BEX5: variants seen among roughly 807,000 people sequenced by gnomAD.
BEX5 encodes protein BEX5.
In BEX5, 2 loss-of-function variants were observed where a neutral mutation model predicts 1.4. That is an observed-to-expected ratio of 1.42 (90% confidence interval 0.58 to 4.47). The LOEUF is 4.47. Ranked by LOEUF, BEX5 falls within the 30% of genes most tolerant of loss-of-function variation. The pLI is 0.06. For synonymous variants in BEX5, 32 were observed against 30.0 expected (o/e 1.07, Z -0.21); for missense variants, 97 against 87.3 (o/e 1.11, Z -0.44).
rs1933208865 is a variant in BEX5 at position 102,153,735 on chromosome X, T to C, written c.*195A>G. The C allele has an allele frequency of 2.5e-6, 1 of 395,390 alleles. No individual in the cohort carries two copies. Among genetic ancestry groups the C allele is most frequent in the Admixed American group, 4.7e-5 (1 of 21,233 alleles). The allele number at this position is 395,390 out of a possible 1,213,427, so 32.6% of individuals were successfully genotyped here. On this transcript the variant is annotated 3_prime_UTR_variant, in exon 3 of 3. Transcript: ENST00000333643. ...ACTGCTTTTAAATTGCTTTATTAAC[T>C]TTACAGTATGCAATAAACATCTTTC...
In BEX5 at chrX:102,153,817, T is replaced by C. The variant is rs1408635841; in HGVS notation, c.*113A>G. ...GAAAAACTTACAGACTAGGTCAAAA[T>C]GCAATCTCCAATCAGAAAATTGCAG... On this transcript the variant is annotated 3_prime_UTR_variant, in exon 3 of 3. Coordinates refer to ENST00000333643, the MANE Select transcript of BEX5 (RefSeq NM_001012978.3). 4 of 654,889 alleles carry C rather than the reference T, an allele frequency of 6.1e-6. No homozygotes were observed. The highest frequency in any genetic ancestry group is 9.1e-6 in the Non-Finnish European group (4 of 437,926). 54.0% of individuals were successfully genotyped at this position (654,889 alleles called of 1,213,427 possible).
chrX:102,154,323 A>T, intron 2 of BEX5, 21 bp from the exon 3 acceptor site: 2 of 1,008,522 alleles, frequency 2.0e-6, no homozygotes, highest in Non-Finnish European at 1.3e-6. Flanking sequence ...AAAAGCAAGA[A>T]GAGGGAATGA....
chrX:102,154,089 A>G lies in BEX5; in HGVS notation c.177T>C (p.Asp59=). ...DVPNRLVDNI[D]MIDGDGDDME... ...TATCATCTCCATCTCCATCTATCAT[A>G]TCAATGTTATCGACAAGCCTATTGG... Residue 59 remains aspartate, a synonymous_variant, in exon 3 of 3, where the codon GAT becomes GAC. Transcript: ENST00000333643. The G allele has an allele frequency of 8.3e-7, 1 of 1,210,059 alleles. No homozygotes were observed. The highest frequency in any genetic ancestry group is 1.1e-6 in the Non-Finnish European group (1 of 895,196).
rs781977138 is a variant in BEX5, at chrX:102,154,250, TG to T, written c.15del (p.Lys6ArgfsTer18). 6.9e-6 allele frequency: 8 copies of T among 1,158,643 alleles called. No individual in the cohort carries two copies. The highest frequency in any genetic ancestry group is 8.0e-6 in the Non-Finnish European group (7 of 871,335). MENV[P>X]KENKVVEKAP... ...GCCTTCTCCACAACTTTGTTTTCCT[TG>T]GGGACATTTTCCATGTTGAGTTTTT... On this transcript the variant is annotated frameshift_variant, in exon 3 of 3. Coordinates refer to ENST00000333643, the MANE Select transcript of BEX5 (RefSeq NM_001012978.3).
intron 2 of BEX5, among the ~76,000 whole-genome samples, chrX:102,154,517 T>G (rs1363013898): frequency 9.2e-6 from 1 of 108,979 alleles, no homozygotes; most frequent in Non-Finnish European, 1.9e-5. Context: ...GGGACGATCA[T>G]AGAGAGACCA....
intron 1 of BEX5, among the ~76,000 whole-genome samples, chrX:102,155,023 C>A (rs571364258): frequency 1.8e-5 from 2 of 111,715 alleles, no homozygotes; most frequent in African/African-American, 6.5e-5. Flanking sequence ...CTTCTTTAGG[C>A]GCCCATCTCT....
intron 1 of BEX5, 50 bp from the exon 2 acceptor site, chrX:102,154,860 C>A (rs1556369952): frequency 8.9e-6 from 1 of 111,773 alleles, no homozygotes. Flanking sequence ...ATCAAAGGAC[C>A]GGTAATGGGA....
At chrX:102,155,621 G>T (rs1378665658) in intron 1 of BEX5, 1 of 112,130 alleles carries the variant, frequency 8.9e-6, no homozygotes, top group Non-Finnish European at 1.9e-5. Flanking sequence ...CAGGAAGCAG[G>T]CTGTTTCCTT....
intron 1 of BEX5, among the ~76,000 whole-genome samples, chrX:102,155,057 T>C (rs1556369994): frequency 8.9e-6 from 1 of 111,979 alleles, no homozygotes; most frequent in African/African-American, 3.3e-5. Context: ...ACCTGTCATC[T>C]AGTTACCCTT....
Position 102,153,791 on chromosome X carries a change from A to C in BEX5, c.*139T>G. 3.9e-6 allele frequency: 2 copies of C among 516,189 alleles called. No homozygotes were observed. The highest frequency in any genetic ancestry group is 6.3e-6 in the Non-Finnish European group (2 of 319,152). The allele number at this position is 516,189 out of a possible 1,213,427, so 42.5% of individuals were successfully genotyped here. A position where few individuals can be genotyped will look rare whatever the true frequency, so the allele number is the denominator to read the frequency against. On this transcript the variant is annotated 3_prime_UTR_variant, in exon 3 of 3. Coordinates refer to ENST00000333643, the MANE Select transcript of BEX5 (RefSeq NM_001012978.3). ...AAGTTGATGAAAGTCCTCTTCTGAC[A>C]GAAAAACTTACAGACTAGGTCAAAA...
rs139108275 is a variant in BEX5 at position 102,154,256 on chromosome X, C to T, written c.10G>A (p.Val4Ile). 7.6e-5 allele frequency: 86 copies of T among 1,130,092 alleles called. No individual in the cohort carries two copies. The African/African-American group carries it at 1.4e-3, about 19-fold the overall frequency. 93.1% of individuals were successfully genotyped at this position (1,130,092 alleles called of 1,213,427 possible). Residue 4 changes from valine to isoleucine, a missense_variant, in exon 3 of 3, where the codon GTC becomes ATC. By Grantham distance (29) the Val-to-Ile change is conservative. Transcript: ENST00000333643. Reference sequence around the variant, plus strand: ...TCCACAACTTTGTTTTCCTTGGGGACATTTTCCATGTTGAGTTTTTTTCCT... The same window carrying T: ...TCCACAACTTTGTTTTCCTTGGGGATATTTTCCATGTTGAGTTTTTTTCCT... MEN[V>I]PKENKVVEKA...
chrX:102,154,051 A>G lies in BEX5; in HGVS notation c.215T>C (p.Met72Thr). 2 of 1,210,391 alleles carry G rather than the reference A, an allele frequency of 1.7e-6. No individual in the cohort carries two copies. Among genetic ancestry groups the G allele is most frequent in the Non-Finnish European group, 2.2e-6 (2 of 895,115 alleles). ...DGDGDDMERFMEEMRELRRKI... is the reference protein window; with the variant it reads ...DGDGDDMERFTEEMRELRRKI... ...CCTCCTTAGCTCTCTCATCTCCTCC[A>G]TGAACCGTTCCATATCATCTCCATC... The change falls in exon 3 of 3, where the codon ATG becomes ACG. Residue 72 changes from methionine to threonine, a missense_variant. Transcript: ENST00000333643.
chrX:102,154,434 G>C, intron 2 of BEX5, 132 bp from the exon 3 acceptor site: 1 of 414,226 alleles, frequency 2.4e-6, no homozygotes, highest in African/African-American at 2.5e-5. Context: ...CTGCCCCAAA[G>C]CCCATCATTT....
At chrX:102,155,408 G>A (rs960151102) in intron 1 of BEX5, among the ~76,000 whole-genome samples, 2 of 111,698 alleles carry the variant, frequency 1.8e-5, no homozygotes, top group African/African-American at 6.5e-5. Context: ...CTCAACTGCC[G>A]CAATAGGGAC....
In BEX5 at chrX:102,153,742, T is replaced by A; in HGVS notation, c.*188A>T. The stretch of plus-strand genomic sequence containing the variant: ...TTAAATTGCTTTATTAACTTTACAG[T>A]ATGCAATAAACATCTTTCCATGAAA... On this transcript the variant is annotated 3_prime_UTR_variant, in exon 3 of 3. Transcript: ENST00000333643. The A allele has an allele frequency of 2.4e-6, 1 of 408,556 alleles. No individual in the cohort carries two copies. Among genetic ancestry groups the A allele is most frequent in the Non-Finnish European group, 4.2e-6 (1 of 239,473 alleles). 33.7% of individuals were successfully genotyped at this position (408,556 alleles called of 1,213,427 possible).
In BEX5 at chrX:102,154,280, C is replaced by CTT. The variant is rs781800769; in HGVS notation, c.-16_-15insAA. 6.4e-6 allele frequency: 7 copies of CTT among 1,099,253 alleles called. No individual in the cohort carries two copies. Among genetic ancestry groups the CTT allele is most frequent in the East Asian group, 3.1e-5 (1 of 31,949 alleles). The allele number at this position is 1,099,253 out of a possible 1,213,427, so 90.6% of individuals were successfully genotyped here. On this transcript the variant is annotated 5_prime_UTR_variant, in exon 3 of 3. Coordinates refer to ENST00000333643, the MANE Select transcript of BEX5 (RefSeq NM_001012978.3). Reference sequence around the variant, plus strand: ...ACATTTTCCATGTTGAGTTTTTTTCCTGTTTTTTTTTTTTTTTTCTTCCTA... The same window carrying CTT: ...ACATTTTCCATGTTGAGTTTTTTTCCTTTGTTTTTTTTTTTTTTTTCTTCCTA...
chrX:102,154,187 C>T lies in BEX5; in HGVS notation c.79G>A (p.Glu27Lys). Residue 27 changes from glutamate (E) to lysine (K), a missense_variant, in exon 3 of 3, where the codon GAA (glutamate) becomes AAA (lysine). Coordinates refer to ENST00000333643, the MANE Select transcript of BEX5 (RefSeq NM_001012978.3). ...QNEAPALGGG[E>K]YQEPGGNVKG... ...ACATTTCCTCCAGGCTCCTGGTATT[C>T]ACCACCTCCTAAAGCGGGGGCTTCA... 8.3e-7 allele frequency: 1 copy of T among 1,210,903 alleles called. No individual in the cohort carries two copies. Among genetic ancestry groups the T allele is most frequent in the Non-Finnish European group, 1.1e-6 (1 of 895,161 alleles).
In BEX5 at chrX:102,153,993, C is replaced by CAG; in HGVS notation, c.271_272dup (p.Arg92CysfsTer5). 8.3e-7 allele frequency: 1 copy of CAG among 1,210,607 alleles called. No homozygotes were observed. The highest frequency in any genetic ancestry group is 1.7e-5 in the African/African-American group (1 of 57,434). On this transcript the variant is annotated frameshift_variant, in exon 3 of 3. Transcript: ENST00000333643. ...GAGGAGGGTCCCCTATAAGAATGCG[C>CAG]AGACTGTACCTCAACTGAAGTTCCC...
At chrX:102,154,850 A>G (rs1459693147) in intron 1 of BEX5, 40 bp from the exon 2 acceptor site, 2 of 111,660 alleles carry the variant, frequency 1.8e-5, no homozygotes, top group African/African-American at 6.5e-5. Flanking sequence ...TGATCTTTTA[A>G]TCAAAGGACC....
Sources: allele counts gnomAD v4.1 joint callset (sites outside exome capture counted in the v4.1 genomes callset), GRCh38; gene constraint gnomAD v4.1.1; transcripts MANE v1.5; gene names NCBI Gene and HGNC (gene_info 2026-07-23, HGNC 2026-07-21).